The following MTHFS variants were observed in gnomAD, a reference collection of about 807,000 sequenced individuals.
MTHFS encodes methenyltetrahydrofolate synthetase.
A neutral mutation model predicts 12.7 loss-of-function variants in MTHFS; 7 were observed. The ratio of observed to expected loss-of-function variants is 0.55; its 90% CI spans 0.31 to 1.03. The LOEUF is 1.03. Among genes scored for constraint, MTHFS ranks in the 50% least tolerant of loss-of-function variants. The pLI, the probability that MTHFS is intolerant of heterozygous loss-of-function variation, is 0.05. For synonymous variants in MTHFS, 100 were observed against 97.1 expected, an observed-to-expected ratio of 1.03 and a Z score of -0.18; for missense variants, 252 against 258.1, an observed-to-expected ratio of 0.98 and a Z score of 0.16.
intron 2 of MTHFS, among the ~76,000 whole-genome samples, chr15:79,881,429 A>C (rs1282570315): frequency 6.6e-6 from 1 of 152,224 alleles, no homozygotes; most frequent in Admixed American, 6.5e-5. Context: ...ATATATTCTA[A>C]AGCCGCTGCA....
chr15:79,890,696 C>T (rs1053023847), intron 1 of MTHFS, among the ~76,000 whole-genome samples: 1 of 152,060 alleles, frequency 6.6e-6, no homozygotes, highest in Non-Finnish European at 1.5e-5. Flanking sequence ...GATACAGGAA[C>T]AGTAAGTCAG....
rs368356105 is a variant in MTHFS at position 79,857,772 on chromosome 15, G to A, written c.380-12330C>T. 2.5e-4 allele frequency among the ~76,000 whole-genome samples: 38 copies of A among 152,202 alleles called. No homozygotes were observed. The East Asian group carries it at 7.4e-3, about 29-fold the overall frequency. On this transcript the variant is annotated intron_variant, in intron 2 of 2. Coordinates refer to ENST00000258874, the MANE Select transcript of MTHFS (RefSeq NM_006441.4). ...ACAGTGGCTCACGCCTGTAATCCCAGCACTTTGGGAGGCCAAGACAGATCA... is the reference window on the plus strand; with the variant it reads ...ACAGTGGCTCACGCCTGTAATCCCAACACTTTGGGAGGCCAAGACAGATCA...
chr15:79,844,004 C>G lies in MTHFS; in HGVS notation c.*1206G>C, dbSNP rs1411672004. 1 of 152,202 alleles carries G rather than the reference C, an allele frequency of 6.6e-6. No homozygotes were observed. Among genetic ancestry groups the G allele is most frequent in the African/African-American group, 2.4e-5 (1 of 41,438 alleles). 9.4% of individuals were successfully genotyped at this position (152,202 alleles called of 1,614,324 possible). ...GCTTACTATGTGCAAAGGGCAGAAG[C>G]CTGCAGTGCTCAGTCAGTGTTACAG... On this transcript the variant is annotated 3_prime_UTR_variant, in exon 3 of 3. Coordinates refer to ENST00000258874, the MANE Select transcript of MTHFS (RefSeq NM_006441.4).
chr15:79,895,897 T>A (rs2034559317), intron 1 of MTHFS, among the ~76,000 whole-genome samples: 1 of 152,220 alleles, frequency 6.6e-6, no homozygotes, highest in Non-Finnish European at 1.5e-5. Flanking sequence ...AGACAGATCA[T>A]CAGTTTGACT....
chr15:79,896,070 A>G (rs983940004), intron 1 of MTHFS, among the ~76,000 whole-genome samples: 2 of 152,262 alleles, frequency 1.3e-5, no homozygotes, highest in African/African-American at 4.8e-5. Flanking sequence ...TAGACTAAAA[A>G]TACATAGCAG....
intron 2 of MTHFS, among the ~76,000 whole-genome samples, chr15:79,848,997 A>G (rs923569465): frequency 1.3e-5 from 2 of 152,232 alleles, no homozygotes; most frequent in Non-Finnish European, 2.9e-5. Flanking sequence ...CAAAAAAATA[A>G]AATAAAATAA....
Position 79,871,147 on chromosome 15 carries a change from A to T in MTHFS, c.379+17946T>A, listed in dbSNP as rs547163950. ...AACAGAGTGAGACTCTGTCTCAAAAAAAAAGAAAAGAAAAGGCACATTTAA... is the reference window on the plus strand; with the variant it reads ...AACAGAGTGAGACTCTGTCTCAAAATAAAAGAAAAGAAAAGGCACATTTAA... On this transcript the variant is annotated intron_variant, in intron 2 of 2. Coordinates refer to ENST00000258874, the MANE Select transcript of MTHFS (RefSeq NM_006441.4). Among the ~76,000 whole-genome samples, 14 of 152,346 alleles carry T rather than the reference A, an allele frequency of 9.2e-5. No homozygotes were observed. In the East Asian group the frequency reaches 2.3e-3, roughly 25 times the overall value.
chr15:79,889,301 G>GCTCA lies in MTHFS; in HGVS notation c.167_170dup (p.Met58GlufsTer5). On this transcript the variant is annotated frameshift_variant, in exon 2 of 3. Coordinates refer to ENST00000258874, the MANE Select transcript of MTHFS (RefSeq NM_006441.4). LOFTEE classifies it high-confidence loss of function. Reference sequence around the variant, plus strand: ...CTTCTGTCTCAATTTCATCTTGCATGCTCAGAAAGATGGAAATTCTTTTGG... The same window carrying GCTCA: ...CTTCTGTCTCAATTTCATCTTGCATGCTCACTCAGAAAGATGGAAATTCTTTTGG... 1 of 1,614,142 alleles carries GCTCA rather than the reference G, an allele frequency of 6.2e-7. No homozygotes were observed. Among genetic ancestry groups the GCTCA allele is most frequent in the Non-Finnish European group, 8.5e-7 (1 of 1,180,034 alleles).
chr15:79,870,849 A>C (rs922845826), intron 2 of MTHFS, among the ~76,000 whole-genome samples: 12 of 152,246 alleles, frequency 7.9e-5, no homozygotes, highest in African/African-American at 2.7e-4. Flanking sequence ...AGCTAGAAAG[A>C]AAAAGCACAT....
chr15:79,862,708 T>C (rs1395970425), intron 2 of MTHFS, among the ~76,000 whole-genome samples: 1 of 152,264 alleles, frequency 6.6e-6, no homozygotes, highest in Non-Finnish European at 1.5e-5. Flanking sequence ...TTTCTCCTTT[T>C]AGCTAACCCC....
At chr15:79,847,653 G>C (rs1057374754) in intron 2 of MTHFS, among the ~76,000 whole-genome samples, 2 of 120,178 alleles carry the variant, frequency 1.7e-5, no homozygotes, top group Non-Finnish European at 3.2e-5. Flanking sequence ...CTGGGCGACA[G>C]AGTGAGACTC....
chr15:79,896,818 C>T (rs1159956679), intron 1 of MTHFS, 54 bp downstream of exon 1: 19 of 1,536,190 alleles, frequency 1.2e-5, no homozygotes, highest in Non-Finnish European at 1.6e-5. Context: ...TCGCTGGCCG[C>T]CAGGCCTTCG....
At chr15:79,888,993 TTAC>T in intron 2 of MTHFS, 97 bp downstream of exon 2, 1 of 1,497,048 alleles carries the variant, frequency 6.7e-7, no homozygotes, top group Non-Finnish European at 8.9e-7. Flanking sequence ...AATTAATCCC[TTAC>T]AGGAAAAGCA....
intron 2 of MTHFS, among the ~76,000 whole-genome samples, chr15:79,857,711 A>G (rs1451288488): frequency 1.3e-5 from 2 of 151,942 alleles, no homozygotes; most frequent in Non-Finnish European, 2.9e-5. Flanking sequence ...CTGGTGGGGG[A>G]GAAACTTGCT....
chr15:79,888,128 T>C (rs1022326818), intron 2 of MTHFS, among the ~76,000 whole-genome samples: 1 of 152,176 alleles, frequency 6.6e-6, no homozygotes, highest in South Asian at 2.1e-4. Flanking sequence ...CTTGTTTTGC[T>C]TTCATCTCTT....
chr15:79,865,397 T>C (rs1225598099), intron 2 of MTHFS, among the ~76,000 whole-genome samples: 3 of 152,216 alleles, frequency 2.0e-5, no homozygotes, highest in Admixed American at 2.0e-4. Context: ...TCGAGGTATT[T>C]CTGCAAGATA....
chr15:79,874,106 A>C (rs1053105874), intron 2 of MTHFS, among the ~76,000 whole-genome samples: 15 of 152,324 alleles, frequency 9.8e-5, no homozygotes, highest in African/African-American at 3.6e-4. Flanking sequence ...TTTGAAAACA[A>C]CTACTATCTA....
chr15:79,896,667 G>C, intron 1 of MTHFS: 1 of 897,418 alleles, frequency 1.1e-6, no homozygotes, highest in Non-Finnish European at 1.6e-6. Flanking sequence ...TTCACTACCG[G>C]GCCCTCTCCC....
At chr15:79,862,318 C>T (rs1008205859) in intron 2 of MTHFS, among the ~76,000 whole-genome samples, 1 of 152,112 alleles carries the variant, frequency 6.6e-6, no homozygotes, top group Non-Finnish European at 1.5e-5. Context: ...TTTGTTAAAC[C>T]TTCAAAGGGT....
Sources: gnomAD v4.1 joint callset for allele counts (sites outside exome capture counted in the v4.1 genomes callset) on GRCh38, gnomAD v4.1.1 for gene constraint, MANE v1.5 for transcripts, NCBI Gene and HGNC (gene_info 2026-07-23, HGNC 2026-07-21) for gene names.